The following GRM5 variants were observed in gnomAD, a reference collection of about 807,000 sequenced individuals.
GRM5 encodes glutamate metabotropic receptor 5.
Under a neutral mutation model 83.1 loss-of-function variants are expected in GRM5, and 19 were observed. That is an observed-to-expected ratio of 0.23 (90% CI 0.16 to 0.34). GRM5 has a LOEUF of 0.34. Ranked by LOEUF, GRM5 falls within the 10% of genes least tolerant of loss-of-function variation. The probability of loss-of-function intolerance (pLI) is 1.00; values close to 1 mark genes in which losing one functional copy is unlikely to be tolerated. For synonymous variants in GRM5, 675 were observed against 633.6 expected, an observed-to-expected ratio of 1.07 and a Z score of -0.98; for missense variants, 1,160 against 1,588.3, an observed-to-expected ratio of 0.73 and a Z score of 4.58.
chr11:88,775,261 G>T (rs895565615), intron 3 of GRM5, among the ~76,000 whole-genome samples: 2 of 150,774 alleles, frequency 1.3e-5, no homozygotes, highest in Non-Finnish European at 2.9e-5. Flanking sequence ...ATGGTAGTTT[G>T]TATTTCTGTG....
chr11:88,535,387 T>C (rs1470718864), intron 8 of GRM5, among the ~76,000 whole-genome samples: 3 of 152,152 alleles, frequency 2.0e-5, no homozygotes, highest in African/African-American at 7.2e-5. Context: ...CTGTGGACAG[T>C]GGTCTGGATG....
At chr11:88,738,210 A>T (rs1179269024) in intron 3 of GRM5, among the ~76,000 whole-genome samples, 1 of 152,032 alleles carries the variant, frequency 6.6e-6, no homozygotes, top group Non-Finnish European at 1.5e-5. Flanking sequence ...GGCAGAATAG[A>T]GTGAAAAAAG....
intron 3 of GRM5, among the ~76,000 whole-genome samples, chr11:88,783,978 A>G (rs1943021524): frequency 6.6e-6 from 1 of 152,034 alleles, no homozygotes; most frequent in Non-Finnish European, 1.5e-5. Context: ...TCAGTGGAGT[A>G]CTGATGACAG....
At chr11:88,720,804 G>A (rs2135394660) in intron 3 of GRM5, among the ~76,000 whole-genome samples, 1 of 129,916 alleles carries the variant, frequency 7.7e-6, no homozygotes, top group South Asian at 2.2e-4. Flanking sequence ...CTCTGTGTGT[G>A]TGTGTGTGTG....
At chr11:88,930,546 G>A (rs12419299) in intron 2 of GRM5, among the ~76,000 whole-genome samples, 1 of 151,822 alleles carries the variant, frequency 6.6e-6, no homozygotes, top group Non-Finnish European at 1.5e-5. Flanking sequence ...TTTTGAGATG[G>A]GAGTTTCGCT....
chr11:88,674,028 G>A (rs1055375332), intron 3 of GRM5, among the ~76,000 whole-genome samples: 1 of 151,850 alleles, frequency 6.6e-6, no homozygotes, highest in Non-Finnish European at 1.5e-5. Context: ...AAACAAGTAC[G>A]AGGGAAGAAT....
At chr11:88,703,466 A>C (rs913471208) in intron 3 of GRM5, among the ~76,000 whole-genome samples, 2 of 152,096 alleles carry the variant, frequency 1.3e-5, no homozygotes, top group East Asian at 1.9e-4. Context: ...GGGTCAAACC[A>C]AACCTAGTTC....
intron 3 of GRM5, among the ~76,000 whole-genome samples, chr11:88,805,472 G>T (rs1483953830): frequency 6.6e-6 from 1 of 152,124 alleles, no homozygotes; most frequent in South Asian, 2.1e-4. Context: ...TTACAGGTGT[G>T]AGCCACCACG....
chr11:88,586,656 G>A (rs1200425859), intron 7 of GRM5, among the ~76,000 whole-genome samples: 1 of 152,200 alleles, frequency 6.6e-6, no homozygotes, highest in Non-Finnish European at 1.5e-5. Context: ...TCCGAGTGAT[G>A]TGTTACTTTG....
rs146666059 is a variant in GRM5, at chr11:88,584,002, T to G, written c.1690+6599A>C. On this transcript the variant is annotated intron_variant, in intron 7 of 9. Coordinates refer to ENST00000305447, the MANE Select transcript of GRM5 (RefSeq NM_001143831.3). ...ATTCACATGGATTTTTGCAAAATTT[T>G]CTTACCCTTATCCTCTCTTTATAAT... is the stretch of plus-strand genomic sequence containing the variant. Among the ~76,000 whole-genome samples the G allele has an allele frequency of 7.3e-3, 1,113 of 152,316 alleles. 11 individuals carry two copies. Among genetic ancestry groups the G allele is most frequent in the African/African-American group, 0.026 (1,075 of 41,560 alleles).
intron 9 of GRM5, among the ~76,000 whole-genome samples, chr11:88,509,981 G>C (rs1941320602): frequency 6.6e-6 from 1 of 152,196 alleles, no homozygotes; most frequent in African/African-American, 2.4e-5. Context: ...AGGGGTAAGA[G>C]AGTCAGGGAT....
chr11:88,690,083 T>A (rs1940742799), intron 3 of GRM5, among the ~76,000 whole-genome samples: 1 of 152,114 alleles, frequency 6.6e-6, no homozygotes, highest in Non-Finnish European at 1.5e-5. Context: ...CTGATAAAAA[T>A]CTATGAAAAT....
intron 3 of GRM5, among the ~76,000 whole-genome samples, chr11:88,822,821 C>G (rs1450159784): frequency 6.6e-6 from 1 of 151,746 alleles, no homozygotes; most frequent in Non-Finnish European, 1.5e-5. Context: ...CTCTCCCTCC[C>G]CTTTTGTCGC....
intron 3 of GRM5, among the ~76,000 whole-genome samples, chr11:88,837,280 G>A (rs1196950623): frequency 6.6e-6 from 1 of 152,136 alleles, no homozygotes; most frequent in East Asian, 1.9e-4. Flanking sequence ...GAATGGTTTA[G>A]GATACAGGTT....
chr11:88,815,966 C>A (rs933401928), intron 3 of GRM5, among the ~76,000 whole-genome samples: 2 of 151,396 alleles, frequency 1.3e-5, no homozygotes, highest in Admixed American at 6.6e-5. Context: ...GTAATCCCAG[C>A]ACTTTGGGAG....
At chr11:88,510,811 T>C (rs756951478) in intron 9 of GRM5, among the ~76,000 whole-genome samples, 5 of 152,190 alleles carry the variant, frequency 3.3e-5, no homozygotes, top group Non-Finnish European at 5.9e-5. Flanking sequence ...CCACTGCGTC[T>C]GGCCAGGAAT....
intron 4 of GRM5, among the ~76,000 whole-genome samples, chr11:88,622,052 A>T (rs1938651629): frequency 6.6e-6 from 1 of 151,656 alleles, no homozygotes; most frequent in Non-Finnish European, 1.5e-5. Context: ...CAATGGTGCA[A>T]ATTTTGTAGG....
rs1408701318 is a variant in GRM5, at chr11:88,765,485, T to A, written c.911+84421A>T. On this transcript the variant is annotated intron_variant, in intron 3 of 9. Transcript: ENST00000305447. ...AGCCATAGTAATCGTAACAGTGTGG[T>A]TTTAGCATCTAGATTAATGGAATAG... Among the ~76,000 whole-genome samples the A allele has an allele frequency of 1.3e-5, 2 of 150,838 alleles. 1 individual carries two copies. The highest frequency in any genetic ancestry group is 3.0e-5 in the Non-Finnish European group (2 of 67,576).
chr11:88,540,480 G>A (rs932601019), intron 8 of GRM5, among the ~76,000 whole-genome samples: 5 of 152,134 alleles, frequency 3.3e-5, no homozygotes, highest in Admixed American at 6.5e-5. Flanking sequence ...AGACTGAAGG[G>A]AGGGGAATCA....
Sources: gnomAD v4.1 joint callset for allele counts (sites outside exome capture counted in the v4.1 genomes callset) on GRCh38, gnomAD v4.1.1 for gene constraint, MANE v1.5 for transcripts, NCBI Gene and HGNC (gene_info 2026-07-23, HGNC 2026-07-21) for gene names.